The following FSTL1 variants were observed in gnomAD, a reference collection of about 807,000 sequenced individuals.
FSTL1 encodes the protein follistatin-related protein 1.
A neutral mutation model predicts 45.9 loss-of-function variants in FSTL1; 24 were observed. The observed-to-expected ratio is 0.52, with a 90% CI of 0.38 to 0.74. The LOEUF (loss-of-function observed/expected upper bound fraction) is 0.74, where lower values mean the gene tolerates loss of function less well. FSTL1 is among the 30% of genes least tolerant of loss of function. FSTL1 has a pLI of 0.00. For synonymous variants in FSTL1, 120 were observed against 137.6 expected (o/e 0.87, Z 0.89); for missense variants, 340 against 381.8 (o/e 0.89, Z 0.91).
chr3:120,422,677 T>A (rs1422324676), intron 2 of FSTL1, among the ~76,000 whole-genome samples: 1 of 152,064 alleles, frequency 6.6e-6, no homozygotes, highest in African/African-American at 2.4e-5. Flanking sequence ...AAAAAATCTA[T>A]TATGAAGCTG....
At position 120,396,937 on chromosome 3, in the gene FSTL1, G is replaced by A; in HGVS notation, c.*15C>T. 1.3e-6 allele frequency: 2 copies of A among 1,594,518 alleles called. No individual in the cohort carries two copies. The highest frequency in any genetic ancestry group is 1.7e-6 in the Non-Finnish European group (2 of 1,162,078). ...AGAAGATGCTGGGATCCAGACACTG[G>A]TCTGTGCCTCCTCATTAGATCTCTT... On this transcript the variant is annotated 3_prime_UTR_variant, in exon 11 of 11. Coordinates refer to ENST00000295633, the MANE Select transcript of FSTL1 (RefSeq NM_007085.5).
At chr3:120,424,216 T>G (rs1937335105) in intron 2 of FSTL1, 1 of 152,422 alleles carries the variant, frequency 6.6e-6, no homozygotes, top group African/African-American at 2.4e-5. Flanking sequence ...GTGGGAAGAT[T>G]GCTTGAGCCC....
At chr3:120,445,927 G>A (rs115269531) in intron 2 of FSTL1, among the ~76,000 whole-genome samples, 1,513 of 149,974 alleles carry the variant, frequency 0.01, 195 homozygotes, top group African/African-American at 0.037. Context: ...TACTCTCAGA[G>A]AAAGCACCCC....
intron 10 of FSTL1, among the ~76,000 whole-genome samples, 156 bp downstream of exon 10, chr3:120,399,727 A>T (rs1481646772): frequency 1.3e-5 from 2 of 152,142 alleles, no homozygotes; most frequent in African/African-American, 4.8e-5. Context: ...TGTCTGTATC[A>T]CAGTTTGATA....
At chr3:120,426,803 GT>G in intron 2 of FSTL1, among the ~76,000 whole-genome samples, 1 of 152,238 alleles carries the variant, frequency 6.6e-6, no homozygotes, top group South Asian at 2.1e-4. Flanking sequence ...GGCACAGGGC[GT>G]TTTTCCTCTC....
chr3:120,407,734 A>C (rs1364822592), intron 6 of FSTL1, among the ~76,000 whole-genome samples: 1 of 152,202 alleles, frequency 6.6e-6, no homozygotes. Context: ...GTAGAAAATG[A>C]AACCTGTTTT....
chr3:120,430,136 T>G (rs967125095), intron 2 of FSTL1, among the ~76,000 whole-genome samples: 1 of 152,208 alleles, frequency 6.6e-6, no homozygotes, highest in Non-Finnish European at 1.5e-5. Context: ...CTAGATATTA[T>G]GAGCATGTGG....
chr3:120,441,080 C>T (rs1937622580), intron 2 of FSTL1, among the ~76,000 whole-genome samples: 1 of 152,214 alleles, frequency 6.6e-6, no homozygotes, highest in Non-Finnish European at 1.5e-5. Context: ...ATACTTCTTA[C>T]CCTGTCTTTG....
intron 2 of FSTL1, among the ~76,000 whole-genome samples, chr3:120,424,743 T>G (rs1937346532): frequency 6.7e-6 from 1 of 148,470 alleles, no homozygotes. Flanking sequence ...AAGGAGAGAG[T>G]CTGGGGGGCT....
At chr3:120,422,755 C>A (rs1224592743) in intron 2 of FSTL1, among the ~76,000 whole-genome samples, 2 of 151,598 alleles carry the variant, frequency 1.3e-5, no homozygotes, top group Non-Finnish European at 2.9e-5. Flanking sequence ...AGTGCAGTGG[C>A]ACAATCTCAG....
chr3:120,403,689 T>C (rs1051317117), intron 7 of FSTL1, among the ~76,000 whole-genome samples: 5 of 152,066 alleles, frequency 3.3e-5, no homozygotes, highest in African/African-American at 9.7e-5. Flanking sequence ...CCCCATGGTA[T>C]ATACACGTCA....
chr3:120,429,406 G>C (rs1220129448), intron 2 of FSTL1, among the ~76,000 whole-genome samples: 1 of 152,242 alleles, frequency 6.6e-6, no homozygotes, highest in Non-Finnish European at 1.5e-5. Context: ...GGGGACATTT[G>C]AGAGTTAAAG....
At chr3:120,412,158 ACCCT>A (rs1438139320) in intron 3 of FSTL1, among the ~76,000 whole-genome samples, 175 bp from the exon 4 acceptor site, 1 of 152,056 alleles carries the variant, frequency 6.6e-6, no homozygotes, top group Non-Finnish European at 1.5e-5. Context: ...TGGCCAACTG[ACCCT>A]GTCTCAGTTG....
Position 120,450,752 on chromosome 3 carries a change from G to T in FSTL1, c.1-6C>A, listed in dbSNP as rs1452387310. 18 of 1,572,802 alleles carry T rather than the reference G, an allele frequency of 1.1e-5. No individual in the cohort carries two copies. Among genetic ancestry groups the T allele is most frequent in the Non-Finnish European group, 1.4e-5 (16 of 1,166,302 alleles). On this transcript the variant is annotated splice_polypyrimidine_tract_variant and splice_region_variant and intron_variant, in intron 1 of 10. Coordinates refer to ENST00000295633, the MANE Select transcript of FSTL1 (RefSeq NM_007085.5). ...GCGAGCCAGCGTTTCCACATCTGCG[G>T]AAGAGAGAAGAGAGCGAGTCTGAAG...
chr3:120,402,788 C>G lies in FSTL1; in HGVS notation c.805+20G>C, dbSNP rs887101874. 1.4e-6 allele frequency: 2 copies of G among 1,386,134 alleles called. No individual in the cohort carries two copies. The highest frequency in any genetic ancestry group is 2.8e-5 in the African/African-American group (2 of 70,414). 85.9% of individuals were successfully genotyped at this position (1,386,134 alleles called of 1,614,324 possible). A position where few individuals can be genotyped will look rare whatever the true frequency, so the allele number is the denominator to read the frequency against. ...GCTCTCTCCTTGCTGTTTTTTCTTT[C>G]TGCTTGAAGCACAGCTCACCGTCAC... On this transcript the variant is annotated intron_variant, in intron 9 of 10. Coordinates refer to ENST00000295633, the MANE Select transcript of FSTL1 (RefSeq NM_007085.5).
intron 2 of FSTL1, among the ~76,000 whole-genome samples, chr3:120,437,832 A>G (rs898012407): frequency 2.6e-5 from 4 of 152,210 alleles, no homozygotes; most frequent in African/African-American, 9.6e-5. Flanking sequence ...CAAGCATTTC[A>G]GCAGGACTAA....
At position 120,443,145 on chromosome 3, in the gene FSTL1, C is replaced by T. The variant is rs1156528910; in HGVS notation, c.63+7539G>A. The stretch of plus-strand genomic sequence containing the variant: ...ACACAAAAAGCTGCCATCTACTGGA[C>T]ATACTGATTAGGTGGACAGGCTGAA... On this transcript the variant is annotated intron_variant, in intron 2 of 10. Transcript: ENST00000295633. Among the ~76,000 whole-genome samples, 4 of 149,138 alleles carry T rather than the reference C, an allele frequency of 2.7e-5. 1 individual carries two copies. The highest frequency in any genetic ancestry group is 5.2e-5 in the African/African-American group (2 of 38,656).
Position 120,398,856 on chromosome 3 carries a change from C to T in FSTL1, c.882+1027G>A, listed in dbSNP as rs574204294. Among the ~76,000 whole-genome samples, 24 of 152,224 alleles carry T rather than the reference C, an allele frequency of 1.6e-4. 1 individual carries two copies. In the East Asian group the frequency reaches 4.6e-3, roughly 29 times the overall value. On this transcript the variant is annotated intron_variant, in intron 10 of 10. Transcript: ENST00000295633. ...AGTAATTCCTATGAAGTTTTTTTCT[C>T]TTTCATGGGATTGAACTCATTTGGA...
chr3:120,449,476 C>A (rs1255707174), intron 2 of FSTL1, among the ~76,000 whole-genome samples: 1 of 152,134 alleles, frequency 6.6e-6, no homozygotes, highest in South Asian at 2.1e-4. Context: ...CATTGGGTAA[C>A]CTTCGCTGAC....
Sources: allele counts gnomAD v4.1 joint callset (sites outside exome capture counted in the v4.1 genomes callset), GRCh38; gene constraint gnomAD v4.1.1; transcripts MANE v1.5; gene names NCBI Gene and HGNC (gene_info 2026-07-23, HGNC 2026-07-21).